The following FGF7 variants were observed in gnomAD, a reference collection of about 807,000 sequenced individuals.
FGF7 encodes FGF-7.
In FGF7, 6 loss-of-function variants were observed where a neutral mutation model predicts 20.5. The observed-to-expected ratio is 0.29, with a 90% CI of 0.16 to 0.58. The LOEUF is 0.58. FGF7 is among the 20% of genes least tolerant of loss of function. FGF7 has a pLI of 0.90. For synonymous variants in FGF7, 64 were observed against 74.7 expected (o/e 0.86, Z 0.74); for missense variants, 144 against 228.8 (o/e 0.63, Z 2.39).
intron 2 of FGF7, among the ~76,000 whole-genome samples, chr15:49,466,367 C>T (rs2054268622): frequency 1.3e-5 from 2 of 152,118 alleles, no homozygotes; most frequent in Non-Finnish European, 2.9e-5. Context: ...CAGGTAGAGA[C>T]TGACATTTTG....
intron 2 of FGF7, among the ~76,000 whole-genome samples, chr15:49,470,358 T>C (rs2054633399): frequency 6.6e-6 from 1 of 152,194 alleles, no homozygotes; most frequent in African/African-American, 2.4e-5. Context: ...CAAATTTCTT[T>C]TTTATTACCA....
At position 49,479,807 on chromosome 15, in the gene FGF7, T is replaced by C. The variant is rs111755524; in HGVS notation, c.287-3344T>C. ...TTTTGTATTTTTAGTAGAGATGGGGTTTCACCATATTTGCCAGGCTGGTCT... is the reference window on the plus strand; with the variant it reads ...TTTTGTATTTTTAGTAGAGATGGGGCTTCACCATATTTGCCAGGCTGGTCT... On this transcript the variant is annotated intron_variant, in intron 2 of 3. Coordinates refer to ENST00000267843, the MANE Select transcript of FGF7 (RefSeq NM_002009.4). Among the ~76,000 whole-genome samples, 2 of 152,082 alleles carry C rather than the reference T, an allele frequency of 1.3e-5. 1 individual carries two copies. Among genetic ancestry groups the C allele is most frequent in the Middle Eastern group, 6.8e-3 (2 of 294 alleles).
intron 2 of FGF7, among the ~76,000 whole-genome samples, chr15:49,431,409 T>C (rs1484160219): frequency 2.0e-5 from 3 of 151,802 alleles, no homozygotes; most frequent in Non-Finnish European, 4.4e-5. Context: ...ACTATGTGTA[T>C]GAAAGGGTTT....
At chr15:49,451,307 T>C (rs1472338467) in intron 2 of FGF7, among the ~76,000 whole-genome samples, 4 of 152,130 alleles carry the variant, frequency 2.6e-5, no homozygotes, top group South Asian at 2.1e-4. Context: ...GAAGAAATTA[T>C]AAAAACTAAA....
intron 2 of FGF7, among the ~76,000 whole-genome samples, chr15:49,456,711 GA>G (rs758895386): frequency 5.3e-5 from 8 of 151,848 alleles, no homozygotes; most frequent in Non-Finnish European, 1.2e-4. Context: ...TTTCTGAAAA[GA>G]AAAAAGGGGA....
intron 2 of FGF7, among the ~76,000 whole-genome samples, chr15:49,482,556 G>A (rs898218822): frequency 2.0e-4 from 30 of 151,976 alleles, no homozygotes; most frequent in African/African-American, 7.2e-4. Flanking sequence ...ATATTCAAGA[G>A]CTATTCTGTT....
intron 2 of FGF7, among the ~76,000 whole-genome samples, chr15:49,477,060 G>GAAAAA (rs745520773): frequency 2.3e-5 from 3 of 130,584 alleles, no homozygotes; most frequent in Admixed American, 7.7e-5. Flanking sequence ...ACTCTGTCTC[G>GAAAAA]AAAAAAAAAA....
At chr15:49,478,781 A>T (rs542458493) in intron 2 of FGF7, among the ~76,000 whole-genome samples, 10 of 152,306 alleles carry the variant, frequency 6.6e-5, no homozygotes, top group South Asian at 4.1e-4. Context: ...AATATTAATG[A>T]TGCTGAGATT....
In FGF7 at chr15:49,423,944, C is replaced by T. The variant is rs184827603; in HGVS notation, c.-266-88C>T. ...GAATAACCTATACTGTATTCTAATGCTACTACTTACCCACTAAAATTTACA... is the reference window on the plus strand; with the variant it reads ...GAATAACCTATACTGTATTCTAATGTTACTACTTACCCACTAAAATTTACA... On this transcript the variant is annotated intron_variant, in intron 1 of 3. Transcript: ENST00000267843. The T allele has an allele frequency of 3.6e-4, 74 of 206,110 alleles. No individual in the cohort carries two copies. In the East Asian group the frequency reaches 7.7e-3, roughly 21 times the overall value. The allele number at this position is 206,110 out of a possible 1,614,324, so 12.8% of individuals were successfully genotyped here.
rs1007634668 is a variant in FGF7, at chr15:49,433,879, C to A, written c.286+9296C>A. Among the ~76,000 whole-genome samples the A allele has an allele frequency of 2.6e-5, 4 of 151,810 alleles. No homozygotes were observed. The East Asian group carries it at 5.9e-4, about 22-fold the overall frequency. Reference sequence around the variant, plus strand: ...TAGTTGATATTGGTTTAAGGAATATCTGCATTAGAGACAAAAAGAGAAAAA... The same window carrying A: ...TAGTTGATATTGGTTTAAGGAATATATGCATTAGAGACAAAAAGAGAAAAA... On this transcript the variant is annotated intron_variant, in intron 2 of 3. Coordinates refer to ENST00000267843, the MANE Select transcript of FGF7 (RefSeq NM_002009.4).
intron 2 of FGF7, among the ~76,000 whole-genome samples, chr15:49,439,168 G>A (rs184088847): frequency 2.0e-5 from 3 of 151,606 alleles, no homozygotes; most frequent in Admixed American, 2.0e-4. Context: ...TTTCTATCAG[G>A]CTGTTGGCCG....
Position 49,439,208 on chromosome 15 carries a change from C to T in FGF7, c.286+14625C>T, listed in dbSNP as rs370426068. ...CTTCCTCTTTGCTATGTGGGCCTCTCGACAGGCTTCCTGAGTGTCCTTATA... is the reference window on the plus strand; with the variant it reads ...CTTCCTCTTTGCTATGTGGGCCTCTTGACAGGCTTCCTGAGTGTCCTTATA... On this transcript the variant is annotated intron_variant, in intron 2 of 3. Coordinates refer to ENST00000267843, the MANE Select transcript of FGF7 (RefSeq NM_002009.4). 5.7e-4 allele frequency among the ~76,000 whole-genome samples: 86 copies of T among 151,428 alleles called. 2 individuals are homozygous for T. The South Asian group carries it at 7.1e-3, about 12-fold the overall frequency.
intron 2 of FGF7, among the ~76,000 whole-genome samples, chr15:49,464,274 C>T (rs1205247828): frequency 6.6e-6 from 1 of 152,078 alleles, no homozygotes; most frequent in African/African-American, 2.4e-5. Context: ...ATTTCTGCCC[C>T]CACCTCTAGT....
At chr15:49,468,075 C>T (rs2054422314) in intron 2 of FGF7, among the ~76,000 whole-genome samples, 1 of 152,090 alleles carries the variant, frequency 6.6e-6, no homozygotes, top group Admixed American at 6.6e-5. Flanking sequence ...ATAATTGTAC[C>T]ACATGCTGAT....
At chr15:49,448,674 CAT>C (rs145584113) in intron 2 of FGF7, among the ~76,000 whole-genome samples, 113 of 149,074 alleles carry the variant, frequency 7.6e-4, no homozygotes, top group African/African-American at 2.3e-3. Context: ...CACATATGTA[CAT>C]ATATATATAT....
At chr15:49,460,480 C>T (rs1194816898) in intron 2 of FGF7, among the ~76,000 whole-genome samples, 1 of 152,164 alleles carries the variant, frequency 6.6e-6, no homozygotes, top group East Asian at 1.9e-4. Context: ...AATTCTAAAT[C>T]TGTGGTACCA....
At chr15:49,460,884 TGC>T (rs1269537753) in intron 2 of FGF7, among the ~76,000 whole-genome samples, 3 of 152,218 alleles carry the variant, frequency 2.0e-5, no homozygotes, top group South Asian at 2.1e-4. Flanking sequence ...TTTTTCAGAA[TGC>T]ATTTGGTTTG....
rs1217012246 is a variant in FGF7 at position 49,477,150 on chromosome 15, T to A, written c.287-6001T>A. 2.0e-5 allele frequency among the ~76,000 whole-genome samples: 3 copies of A among 152,282 alleles called. No individual in the cohort carries two copies. The East Asian group carries it at 5.8e-4, about 29-fold the overall frequency. On this transcript the variant is annotated intron_variant, in intron 2 of 3. Transcript: ENST00000267843. Reference sequence around the variant, plus strand: ...TTCCTCCATTATAAATATCTTGCACTAATGTGGCACATTTATTACAACAGA... The same window carrying A: ...TTCCTCCATTATAAATATCTTGCACAAATGTGGCACATTTATTACAACAGA...
intron 2 of FGF7, among the ~76,000 whole-genome samples, chr15:49,448,821 T>G (rs569383090): frequency 6.6e-6 from 1 of 151,932 alleles, no homozygotes; most frequent in African/African-American, 2.4e-5. Flanking sequence ...AAACTTTTCT[T>G]GAAGCTCTCC....
Sources: gnomAD v4.1 joint callset for allele counts (sites outside exome capture counted in the v4.1 genomes callset) on GRCh38, gnomAD v4.1.1 for gene constraint, MANE v1.5 for transcripts, NCBI Gene and HGNC (gene_info 2026-07-23, HGNC 2026-07-21) for gene names.